SLC24A3: variants seen among roughly 807,000 people sequenced by gnomAD.
SLC24A3 encodes the protein sodium/potassium/calcium exchanger 3.
SLC24A3 carries 28 observed loss-of-function variants against 75.8 expected under a neutral mutation model. That is an observed-to-expected ratio of 0.37 (90% CI 0.27 to 0.51). The LOEUF (loss-of-function observed/expected upper bound fraction) is 0.51, where lower values mean the gene tolerates loss of function less well. Among genes scored for constraint, SLC24A3 ranks in the 20% least tolerant of loss-of-function variants. The pLI is 0.94. For synonymous variants in SLC24A3, 372 were observed against 334.1 expected, an observed-to-expected ratio of 1.11 and a Z score of -1.24; for missense variants, 663 against 847.8, an observed-to-expected ratio of 0.78 and a Z score of 2.71.
intron 1 of SLC24A3, among the ~76,000 whole-genome samples, chr20:19,275,156 C>A (rs879152): frequency 0.17 from 25,470 of 152,048 alleles, 2,957 homozygotes; most frequent in East Asian, 0.56. Context: ...AGAGTTAATA[C>A]GTCCTCTCAA....
intron 2 of SLC24A3, among the ~76,000 whole-genome samples, chr20:19,315,311 G>C (rs1984560946): frequency 6.6e-6 from 1 of 152,176 alleles, no homozygotes; most frequent in Admixed American, 6.5e-5. Flanking sequence ...CCCAGGGTAG[G>C]TTTTCCAGAA....
chr20:19,689,246 C>T (rs569578101), intron 12 of SLC24A3, among the ~76,000 whole-genome samples: 1 of 152,274 alleles, frequency 6.6e-6, no homozygotes, highest in East Asian at 1.9e-4. Context: ...ATTATCGGAA[C>T]AAATGTATAT....
At position 19,235,692 on chromosome 20, in the gene SLC24A3, C is replaced by T. The variant is rs535769687; in HGVS notation, c.142+22708C>T. Among the ~76,000 whole-genome samples the T allele has an allele frequency of 3.9e-5, 6 of 152,344 alleles. No homozygotes were observed. In the East Asian group the frequency reaches 1.2e-3, roughly 29 times the overall value. ...CTAGACCCCAACCCCTTCCTCCTGA[C>T]TGTTCCAGCGCATCACATGGACTGA... On this transcript the variant is annotated intron_variant, in intron 1 of 16. Transcript: ENST00000328041.
At chr20:19,346,043 C>A (rs1985389062) in intron 2 of SLC24A3, among the ~76,000 whole-genome samples, 2 of 112,950 alleles carry the variant, frequency 1.8e-5, no homozygotes, top group South Asian at 3.0e-4. Flanking sequence ...AAATGCCCAT[C>A]AATCAATGAA....
chr20:19,536,686 C>T (rs894776407), intron 3 of SLC24A3, among the ~76,000 whole-genome samples: 2 of 152,114 alleles, frequency 1.3e-5, no homozygotes, highest in Non-Finnish European at 2.9e-5. Flanking sequence ...AGATATAGAC[C>T]AATGGAACAG....
intron 3 of SLC24A3, among the ~76,000 whole-genome samples, chr20:19,574,059 G>A (rs6112466): frequency 0.088 from 13,370 of 152,220 alleles, 703 homozygotes; most frequent in African/African-American, 0.13. Context: ...ACCAAGCAGC[G>A]CATCTGGCTT....
At chr20:19,647,762 T>C (rs2032156612) in intron 6 of SLC24A3, among the ~76,000 whole-genome samples, 1 of 152,246 alleles carries the variant, frequency 6.6e-6, no homozygotes, top group Non-Finnish European at 1.5e-5. Flanking sequence ...GTGGTTATTG[T>C]TCAGCAAGAT....
chr20:19,510,419 A>C (rs950462361), intron 2 of SLC24A3, among the ~76,000 whole-genome samples: 1 of 152,152 alleles, frequency 6.6e-6, no homozygotes, highest in Non-Finnish European at 1.5e-5. Context: ...ATGTGTGTAT[A>C]AGTTATGGTC....
In SLC24A3 at chr20:19,654,046, T is replaced by G; in HGVS notation, c.613-16T>G. On this transcript the variant is annotated splice_polypyrimidine_tract_variant and intron_variant, in intron 6 of 16. Coordinates refer to ENST00000328041, the MANE Select transcript of SLC24A3 (RefSeq NM_020689.4). ...CAGTCTATATCCTGTTTGACTTTGT[T>G]TCCCTTGTCCTGCAGGTTGTGGCTC... 1 of 1,605,466 alleles carries G rather than the reference T, an allele frequency of 6.2e-7. No homozygotes were observed. The highest frequency in any genetic ancestry group is 8.5e-7 in the Non-Finnish European group (1 of 1,172,244).
At chr20:19,255,453 A>T (rs1982786704) in intron 1 of SLC24A3, among the ~76,000 whole-genome samples, 1 of 152,170 alleles carries the variant, frequency 6.6e-6, no homozygotes, top group Non-Finnish European at 1.5e-5. Context: ...ACTTCCATGG[A>T]TGTCTGTTTA....
At chr20:19,262,934 A>G (rs1983038897) in intron 1 of SLC24A3, among the ~76,000 whole-genome samples, 1 of 151,394 alleles carries the variant, frequency 6.6e-6, no homozygotes, top group South Asian at 2.1e-4. Context: ...TTCACCACCC[A>G]CTCATCCTGC....
chr20:19,681,966 C>A lies in SLC24A3; in HGVS notation c.876C>A (p.Asp292Glu). 1 of 1,614,126 alleles carries A rather than the reference C, an allele frequency of 6.2e-7. No individual in the cohort carries two copies. The highest frequency in any genetic ancestry group is 2.2e-5 in the East Asian group (1 of 44,882). The part of the protein sequence containing the change: ...NAEIDDSSNC[D>E]ATVVLLKKAN... ...AAATTGATGACAGCAGCAACTGCGA[C>A]GCAACTGTGGTGCTACTTAAGAAAG... Residue 292 changes from aspartate to glutamate, a missense_variant, in exon 10 of 17, where the codon GAC becomes GAA. Coordinates refer to ENST00000328041, the MANE Select transcript of SLC24A3 (RefSeq NM_020689.4).
At chr20:19,409,460 C>A (rs767462609) in intron 2 of SLC24A3, among the ~76,000 whole-genome samples, 2 of 152,000 alleles carry the variant, frequency 1.3e-5, no homozygotes, top group Non-Finnish European at 2.9e-5. Context: ...TGTTCTGTGC[C>A]GGATCAGACA....
intron 7 of SLC24A3, among the ~76,000 whole-genome samples, chr20:19,662,921 A>C (rs2032346762): frequency 6.6e-6 from 1 of 152,202 alleles, no homozygotes. Context: ...CTCCCGATGG[A>C]ACGTTCTGCA....
At chr20:19,478,025 T>C (rs763057325) in intron 2 of SLC24A3, among the ~76,000 whole-genome samples, 3 of 152,202 alleles carry the variant, frequency 2.0e-5, no homozygotes, top group Admixed American at 6.5e-5. Context: ...AGGAATCCCA[T>C]CCTCGCTGCT....
intron 1 of SLC24A3, among the ~76,000 whole-genome samples, chr20:19,280,265 C>A (rs1022873511): frequency 3.3e-5 from 5 of 152,172 alleles, no homozygotes; most frequent in African/African-American, 1.2e-4. Flanking sequence ...CTACTGTTTC[C>A]TAGTTCGTGC....
chr20:19,488,167 T>C (rs763012240), intron 2 of SLC24A3, among the ~76,000 whole-genome samples: 2 of 152,124 alleles, frequency 1.3e-5, no homozygotes, highest in African/African-American at 4.8e-5. Context: ...TCTGGCATTT[T>C]CCCCCCATTG....
chr20:19,551,161 T>C (rs537193766), intron 3 of SLC24A3, among the ~76,000 whole-genome samples: 1 of 152,316 alleles, frequency 6.6e-6, no homozygotes, highest in African/African-American at 2.4e-5. Context: ...ATCTTTCCAC[T>C]TAACAGAGCT....
chr20:19,424,944 A>G (rs1055830141), intron 2 of SLC24A3, among the ~76,000 whole-genome samples: 2 of 152,116 alleles, frequency 1.3e-5, no homozygotes, highest in Non-Finnish European at 2.9e-5. Flanking sequence ...CCTGTTCTTT[A>G]TGGAGAGTCT....
Sources: allele counts gnomAD v4.1 joint callset (sites outside exome capture counted in the v4.1 genomes callset), GRCh38; gene constraint gnomAD v4.1.1; transcripts MANE v1.5; gene names NCBI Gene and HGNC (gene_info 2026-07-23, HGNC 2026-07-21).